Variants in DNAH5 observed in about 807,000 individuals in gnomAD.
DNAH5 encodes the protein dynein axonemal heavy chain 5, also known as axonemal beta dynein heavy chain 5.
Under a neutral mutation model 518.2 loss-of-function variants are expected in DNAH5, and 372 were observed. That is an observed-to-expected ratio of 0.72 (90% CI 0.66 to 0.78). The LOEUF is 0.78. Among genes scored for constraint, DNAH5 ranks in the 30% least tolerant of loss-of-function variants. The pLI is 0.00. For missense variants in DNAH5, 5,523 were observed against 5,687.0 expected, an observed-to-expected ratio of 0.97 and a Z score of 0.93; for synonymous variants, 2,039 against 2,025.9, an observed-to-expected ratio of 1.01 and a Z score of -0.17.
chr5:13,931,493 C>T (rs1778421158), intron 1 of DNAH5, among the ~76,000 whole-genome samples: 1 of 152,102 alleles, frequency 6.6e-6, no homozygotes, highest in African/African-American at 2.4e-5. Context: ...ATCTGCCATC[C>T]AGAAATTATT....
chr5:13,873,340 T>C (rs955501320), intron 22 of DNAH5, among the ~76,000 whole-genome samples: 1 of 152,140 alleles, frequency 6.6e-6, no homozygotes, highest in Non-Finnish European at 1.5e-5. Flanking sequence ...ATTGTTACTG[T>C]TACTATTTTA....
chr5:13,943,240 G>T (rs1229938407), intron 1 of DNAH5, among the ~76,000 whole-genome samples: 1 of 152,156 alleles, frequency 6.6e-6, no homozygotes, highest in African/African-American at 2.4e-5. Context: ...CATATATTAA[G>T]GACCAAGCAT....
At chr5:13,930,759 C>T (rs529578032) in intron 2 of DNAH5, among the ~76,000 whole-genome samples, 1 of 152,286 alleles carries the variant, frequency 6.6e-6, no homozygotes, top group South Asian at 2.1e-4. Flanking sequence ...GTGCCTAGAA[C>T]AGGGGAAATG....
intron 65 of DNAH5, among the ~76,000 whole-genome samples, chr5:13,740,262 C>T (rs144788602): frequency 6.6e-6 from 1 of 152,228 alleles, no homozygotes; most frequent in Non-Finnish European, 1.5e-5. Context: ...ATTAGGAGGT[C>T]TAAACAGGTC....
intron 18 of DNAH5, among the ~76,000 whole-genome samples, chr5:13,885,599 G>T (rs1246069423): frequency 6.6e-6 from 1 of 152,106 alleles, no homozygotes; most frequent in Non-Finnish European, 1.5e-5. Flanking sequence ...ACATCTCTCT[G>T]TTCTCCTCTG....
chr5:13,721,839 T>C (rs1293242450), intron 70 of DNAH5, among the ~76,000 whole-genome samples: 1 of 152,224 alleles, frequency 6.6e-6, no homozygotes, highest in South Asian at 2.1e-4. Flanking sequence ...TCACAGATTT[T>C]GTCAACTTTA....
chr5:13,972,293 T>C (rs1781929298), intron 1 of DNAH5, among the ~76,000 whole-genome samples: 3 of 152,214 alleles, frequency 2.0e-5, no homozygotes, highest in African/African-American at 7.2e-5. Context: ...CCTCCCCACC[T>C]GGCGCAGTTT....
In DNAH5 at chr5:13,871,005, G is replaced by A. The variant is rs1416214257; in HGVS notation, c.3599-3C>T. The stretch of plus-strand genomic sequence containing the variant: ...AGTCAGGGCGAACTTCAAGTCAGCT[G>A]TAAAAACCCAAATGTCTACAGTTCA... On this transcript the variant is annotated splice_polypyrimidine_tract_variant and splice_region_variant and intron_variant, in intron 23 of 78. Transcript: ENST00000265104. 1.2e-6 allele frequency: 2 copies of A among 1,610,870 alleles called. No individual in the cohort carries two copies. The highest frequency in any genetic ancestry group is 1.1e-5 in the South Asian group (1 of 90,790).
Position 13,928,151 on chromosome 5 carries a change from C to G in DNAH5, c.220G>C (p.Val74Leu). The G allele has an allele frequency of 6.2e-7, 1 of 1,613,800 alleles. No individual in the cohort carries two copies. Among genetic ancestry groups the G allele is most frequent in the Non-Finnish European group, 8.5e-7 (1 of 1,179,800 alleles). Reference protein sequence around the residue: ...QIERIDQLFAVGGLRHLMFYY... With the variant: ...QIERIDQLFALGGLRHLMFYY... ...AACATGAGGTGTCGGAGACCTCCAA[C>G]AGCAAAAAGTTGATCAATTCTTTCA... The change falls in exon 3 of 79, where the codon GTT becomes CTT. Residue 74 changes from valine (V) to leucine (L), a missense_variant. By Grantham distance (32) the Val-to-Leu change is conservative (BLOSUM62 1). This residue lies in a region of DNAH5 where 5,121 missense variants were observed against 5,223.3 expected (regional missense o/e 0.98). Coordinates refer to ENST00000265104, the MANE Select transcript of DNAH5 (RefSeq NM_001369.3).
At chr5:13,733,457 G>T (rs1016823663) in intron 68 of DNAH5, among the ~76,000 whole-genome samples, 2 of 152,122 alleles carry the variant, frequency 1.3e-5, no homozygotes, top group Admixed American at 1.3e-4. Flanking sequence ...AGTCACTGAG[G>T]CCAGAAATTA....
chr5:13,902,804 C>G (rs1396863626), intron 12 of DNAH5, among the ~76,000 whole-genome samples: 3 of 151,264 alleles, frequency 2.0e-5, no homozygotes, highest in African/African-American at 7.3e-5. Context: ...GGATATAACC[C>G]AAGACATTAA....
chr5:13,994,686 G>A (rs1388615267), intron 1 of DNAH5, among the ~76,000 whole-genome samples: 1 of 152,104 alleles, frequency 6.6e-6, no homozygotes, highest in Non-Finnish European at 1.5e-5. Context: ...AACGGAAGGG[G>A]AACCCACAAG....
chr5:13,970,415 C>G (rs1333978111), intron 1 of DNAH5, among the ~76,000 whole-genome samples: 1 of 150,682 alleles, frequency 6.6e-6, no homozygotes, highest in Non-Finnish European at 1.5e-5. Flanking sequence ...TCTGGAGGTT[C>G]TATTTTGGTG....
intron 75 of DNAH5, among the ~76,000 whole-genome samples, chr5:13,713,124 T>TATATATATATATATATATACACACAC (rs1554018603): frequency 7.0e-4 from 103 of 146,592 alleles, no homozygotes; most frequent in African/African-American, 2.6e-3. Flanking sequence ...TATATATATA[T>TATATATATATATATATATACACACAC]ACACACACAC....
At chr5:13,908,191 A>G (rs1775578042) in intron 12 of DNAH5, among the ~76,000 whole-genome samples, 1 of 152,176 alleles carries the variant, frequency 6.6e-6, no homozygotes, top group Non-Finnish European at 1.5e-5. Flanking sequence ...CTGGAAGTAT[A>G]TGTATTTTTT....
At chr5:13,975,299 G>C (rs1056778570) in intron 1 of DNAH5, among the ~76,000 whole-genome samples, 1 of 152,140 alleles carries the variant, frequency 6.6e-6, no homozygotes, top group African/African-American at 2.4e-5. Context: ...AGCAGTGTGG[G>C]GGAAACCATC....
At chr5:13,750,095 GAGAA>G (rs953254090) in intron 65 of DNAH5, among the ~76,000 whole-genome samples, 2 of 152,122 alleles carry the variant, frequency 1.3e-5, no homozygotes, top group African/African-American at 4.8e-5. Flanking sequence ...GGAAGTGGAG[GAGAA>G]AGAGATAGAC....
At chr5:13,782,216 G>A (rs1412706360) in intron 52 of DNAH5, among the ~76,000 whole-genome samples, 1 of 152,208 alleles carries the variant, frequency 6.6e-6, no homozygotes, top group African/African-American at 2.4e-5. Flanking sequence ...TCCACAGCCA[G>A]GGAAGCTTCC....
intron 12 of DNAH5, among the ~76,000 whole-genome samples, chr5:13,905,335 GGTT>G (rs1225989799): frequency 6.6e-6 from 1 of 152,162 alleles, no homozygotes; most frequent in African/African-American, 2.4e-5. Context: ...CGCAGGAGTG[GGTT>G]GTTATAAAAA....
Sources: gnomAD v4.1 joint callset for allele counts (sites outside exome capture counted in the v4.1 genomes callset) on GRCh38, gnomAD v4.1.1 for gene constraint, gnomAD v4.1.1 regional missense constraint, MANE v1.5 for transcripts, NCBI Gene and HGNC (gene_info 2026-07-23, HGNC 2026-07-21) for gene names.